Variants in MAPK10 observed in about 807,000 individuals in gnomAD.
MAPK10 encodes the protein JNK3 alpha protein kinase.
In MAPK10, 25 loss-of-function variants were observed where a neutral mutation model predicts 59.3. The observed-to-expected ratio is 0.42, with a 90% CI of 0.31 to 0.59. MAPK10 has a LOEUF of 0.59. MAPK10 is among the 20% of genes least tolerant of loss of function. The pLI, the probability that MAPK10 is intolerant of heterozygous loss-of-function variation, is 0.15. For synonymous variants in MAPK10, 190 were observed against 200.5 expected (o/e 0.95, Z 0.44); for missense variants, 351 against 568.9 (o/e 0.62, Z 3.90).
At chr4:86,130,022 T>C (rs1562075315) in intron 4 of MAPK10, among the ~76,000 whole-genome samples, 1 of 152,134 alleles carries the variant, frequency 6.6e-6, no homozygotes, top group Admixed American at 6.6e-5. Flanking sequence ...GACTGCTGCA[T>C]ATGTGAAACC....
intron 1 of MAPK10, among the ~76,000 whole-genome samples, chr4:86,514,150 T>C (rs907296094): frequency 6.6e-6 from 1 of 152,048 alleles, no homozygotes; most frequent in Non-Finnish European, 1.5e-5. Context: ...AAAAATAGAC[T>C]TGGGGAAAGC....
intron 1 of MAPK10, among the ~76,000 whole-genome samples, chr4:86,571,447 C>G (rs1358864049): frequency 6.6e-6 from 1 of 151,156 alleles, no homozygotes; most frequent in Non-Finnish European, 1.5e-5. Context: ...AGGAAATAAA[C>G]TTTTAAAAAT....
chr4:86,413,433 C>G (rs1161419976), intron 1 of MAPK10, among the ~76,000 whole-genome samples: 1 of 152,204 alleles, frequency 6.6e-6, no homozygotes, highest in Non-Finnish European at 1.5e-5. Flanking sequence ...AACCATTGCT[C>G]TCTTCAGAGC....
intron 1 of MAPK10, among the ~76,000 whole-genome samples, chr4:86,545,108 C>T (rs185426771): frequency 6.4e-4 from 97 of 152,202 alleles, no homozygotes; most frequent in Middle Eastern, 3.4e-3. Context: ...ACATGGCTCA[C>T]GTGTGTATCA....
intron 4 of MAPK10, among the ~76,000 whole-genome samples, chr4:86,118,925 T>C (rs1187189142): frequency 1.3e-5 from 2 of 152,210 alleles, no homozygotes; most frequent in East Asian, 1.9e-4. Context: ...TCTGCAATTG[T>C]TCCCCCTAAC....
chr4:86,098,392 C>A, intron 9 of MAPK10, 132 bp downstream of exon 9: 1 of 1,357,902 alleles, frequency 7.4e-7, no homozygotes, highest in Non-Finnish European at 9.9e-7. Context: ...TAGAAATTAT[C>A]ACTTTTTTAT....
intron 13 of MAPK10, among the ~76,000 whole-genome samples, chr4:86,021,958 G>A (rs181048113): frequency 2.6e-5 from 4 of 152,328 alleles, no homozygotes; most frequent in Non-Finnish European, 4.4e-5. Flanking sequence ...CGCAAGCGCC[G>A]CACGCGGCCC....
Position 86,021,343 on chromosome 4 carries a change from C to T in MAPK10, c.1253-3973G>A, listed in dbSNP as rs185480514. ...CAAACCCTGAGCTAGACACAGAGTG[C>T]TGATTGGTATGTTTACAATCCCTGA... On this transcript the variant is annotated intron_variant, in intron 13 of 13. Coordinates refer to ENST00000641462, the MANE Select transcript of MAPK10 (RefSeq NM_138982.4). Among the ~76,000 whole-genome samples, 230 of 150,188 alleles carry T rather than the reference C, an allele frequency of 1.5e-3. 2 individuals are homozygous for T. Among genetic ancestry groups the T allele is most frequent in the African/African-American group, 5.4e-3 (218 of 40,658 alleles).
chr4:86,341,175 T>C (rs192998141), intron 2 of MAPK10, among the ~76,000 whole-genome samples: 3 of 152,270 alleles, frequency 2.0e-5, no homozygotes, highest in Admixed American at 6.5e-5. Flanking sequence ...TGGATAACAA[T>C]TGATAAGGTG....
At chr4:86,085,320 TGA>T (rs1329500784) in intron 9 of MAPK10, among the ~76,000 whole-genome samples, 1 of 152,018 alleles carries the variant, frequency 6.6e-6, no homozygotes, top group Non-Finnish European at 1.5e-5. Flanking sequence ...ACCTACAGAA[TGA>T]GAGAAAATAT....
chr4:86,211,053 G>A (rs1563146079), intron 2 of MAPK10, among the ~76,000 whole-genome samples: 1 of 151,516 alleles, frequency 6.6e-6, no homozygotes, highest in Non-Finnish European at 1.5e-5. Flanking sequence ...ACAGAAAGAA[G>A]GATTGAGAAA....
Position 86,022,927 on chromosome 4 carries a change from C to T in MAPK10, c.1253-5557G>A, listed in dbSNP as rs561005542. On this transcript the variant is annotated intron_variant, in intron 13 of 13. Coordinates refer to ENST00000641462, the MANE Select transcript of MAPK10 (RefSeq NM_138982.4). Reference sequence around the variant, plus strand: ...TTTCTTGAAGGTGTCTTTTGAAGCACACATATTTTTAATTTTTATGAAATA... The same window carrying T: ...TTTCTTGAAGGTGTCTTTTGAAGCATACATATTTTTAATTTTTATGAAATA... Among the ~76,000 whole-genome samples the T allele has an allele frequency of 8.5e-5, 13 of 152,292 alleles. No individual in the cohort carries two copies. In the South Asian group the frequency reaches 2.5e-3, roughly 29 times the overall value.
intron 2 of MAPK10, among the ~76,000 whole-genome samples, chr4:86,223,658 C>T (rs925117453): frequency 6.6e-6 from 1 of 152,148 alleles, no homozygotes; most frequent in Middle Eastern, 3.2e-3. Flanking sequence ...CCCCAAATCT[C>T]ACCCCTCCCT....
intron 2 of MAPK10, among the ~76,000 whole-genome samples, chr4:86,290,534 A>G (rs969935554): frequency 4.6e-5 from 7 of 152,174 alleles, no homozygotes; most frequent in Non-Finnish European, 8.8e-5. Context: ...GCTCTTTATC[A>G]TTATGTAATA....
intron 1 of MAPK10, among the ~76,000 whole-genome samples, chr4:86,407,459 A>G (rs535427720): frequency 2.6e-5 from 4 of 152,176 alleles, no homozygotes; most frequent in Non-Finnish European, 5.9e-5. Context: ...TACCAATGTC[A>G]TTCACTGAAT....
chr4:86,365,045 T>C (rs960584342), upstream of MAPK10, among the ~76,000 whole-genome samples: 2 of 152,220 alleles, frequency 1.3e-5, no homozygotes, highest in African/African-American at 4.8e-5. Flanking sequence ...TGTCAGGCAC[T>C]GTTTATATGT....
intron 4 of MAPK10, among the ~76,000 whole-genome samples, chr4:86,141,252 C>T (rs1222606107): frequency 6.6e-5 from 10 of 152,108 alleles, no homozygotes; most frequent in African/African-American, 2.4e-4. Context: ...TGGTATCTTA[C>T]AAAAAATATT....
At position 86,104,156 on chromosome 4, in the gene MAPK10, T is replaced by C. The variant is rs568157168; in HGVS notation, c.367-912A>G. Among the ~76,000 whole-genome samples the C allele has an allele frequency of 2.0e-5, 3 of 152,168 alleles. No individual in the cohort carries two copies. The East Asian group carries it at 5.8e-4, about 29-fold the overall frequency. Reference sequence around the variant, plus strand: ...AATGATATAAAGACATGTGGAGTAATAAACATAAAACAAAATTAGTTTAAA... The same window carrying C: ...AATGATATAAAGACATGTGGAGTAACAAACATAAAACAAAATTAGTTTAAA... On this transcript the variant is annotated intron_variant, in intron 5 of 13. Transcript: ENST00000641462.
intron 1 of MAPK10, among the ~76,000 whole-genome samples, chr4:86,359,215 C>A (rs1735976590): frequency 1.4e-5 from 2 of 147,550 alleles, no homozygotes; most frequent in South Asian, 4.3e-4. Flanking sequence ...AGATATGGAA[C>A]TAAGGTCAGC....
Sources: allele counts gnomAD v4.1 joint callset (sites outside exome capture counted in the v4.1 genomes callset), GRCh38; gene constraint gnomAD v4.1.1; transcripts MANE v1.5; gene names NCBI Gene and HGNC (gene_info 2026-07-23, HGNC 2026-07-21).